Variants in BTRC observed in about 807,000 individuals in gnomAD.
BTRC encodes the protein beta-transducin repeat containing E3 ubiquitin protein ligase.
In BTRC, 42 loss-of-function variants were observed where a neutral mutation model predicts 85.5. The observed-to-expected ratio is 0.49, with a 90% CI of 0.38 to 0.64. The LOEUF is 0.64. BTRC is among the 30% of genes least tolerant of loss of function. The pLI, the probability that BTRC is intolerant of heterozygous loss-of-function variation, is 0.00. For missense variants in BTRC, 594 were observed against 743.5 expected (o/e 0.80, Z 2.34); for synonymous variants, 255 against 263.3 (o/e 0.97, Z 0.30).
At chr10:101,511,635 A>G (rs2061956046) in intron 4 of BTRC, among the ~76,000 whole-genome samples, 1 of 152,032 alleles carries the variant, frequency 6.6e-6, no homozygotes, top group African/African-American at 2.4e-5. Context: ...AGGTCACTGT[A>G]ACCTCTGCCT....
intron 1 of BTRC, among the ~76,000 whole-genome samples, chr10:101,360,199 C>T (rs1045814531): frequency 6.6e-6 from 1 of 151,942 alleles, no homozygotes; most frequent in African/African-American, 2.4e-5. Context: ...GGAATACAGG[C>T]ATGTGCCACC....
chr10:101,455,983 A>AAAACACACACAC (rs1554881059), intron 2 of BTRC, among the ~76,000 whole-genome samples: 1 of 96,044 alleles, frequency 1.0e-5, no homozygotes. Context: ...CTCTACTAAA[A>AAAACACACACAC]ACACACACAC....
At chr10:101,385,632 T>TTTTTTTTTTTG (rs1288309804) in intron 1 of BTRC, among the ~76,000 whole-genome samples, 1 of 143,948 alleles carries the variant, frequency 6.9e-6, no homozygotes, top group African/African-American at 2.6e-5. Flanking sequence ...TTTTTTTTTT[T>TTTTTTTTTTTG]TGTGTGTTCT....
Position 101,409,477 on chromosome 10 carries a change from G to A in BTRC, c.49-20868G>A, listed in dbSNP as rs193192857. On this transcript the variant is annotated intron_variant, in intron 1 of 14. Coordinates refer to ENST00000370187, the MANE Select transcript of BTRC (RefSeq NM_033637.4). ...GTCACTTGATGGGGATACATTCTGA[G>A]AAATGTGCCATTAGGTGAGTTCAAC... Among the ~76,000 whole-genome samples, 38 of 152,280 alleles carry A rather than the reference G, an allele frequency of 2.5e-4. No individual in the cohort carries two copies. The East Asian group carries it at 3.3e-3, about 13-fold the overall frequency.
chr10:101,498,971 C>G (rs1412667242), intron 4 of BTRC, among the ~76,000 whole-genome samples: 1 of 150,778 alleles, frequency 6.6e-6, no homozygotes, highest in Admixed American at 6.6e-5. Context: ...CCAGCCTGGG[C>G]AACAAGAGCG....
intron 4 of BTRC, among the ~76,000 whole-genome samples, chr10:101,501,846 T>C (rs1946407119): frequency 6.6e-6 from 1 of 152,186 alleles, no homozygotes; most frequent in African/African-American, 2.4e-5. Flanking sequence ...GTCTTCCTGA[T>C]TTTCATTTTC....
At chr10:101,356,897 G>A (rs374474560) in intron 1 of BTRC, among the ~76,000 whole-genome samples, 16 of 152,242 alleles carry the variant, frequency 1.1e-4, no homozygotes, top group African/African-American at 3.6e-4. Context: ...TTGGGAGGCC[G>A]AGGCAGGCGG....
intron 13 of BTRC, among the ~76,000 whole-genome samples, chr10:101,547,770 A>G (rs1256167729): frequency 1.3e-5 from 2 of 152,230 alleles, no homozygotes; most frequent in Non-Finnish European, 2.9e-5. Flanking sequence ...ATATTAGCAA[A>G]TTAAATCCAA....
At chr10:101,389,836 C>A (rs1202119925) in intron 1 of BTRC, among the ~76,000 whole-genome samples, 5 of 151,802 alleles carry the variant, frequency 3.3e-5, no homozygotes, top group Admixed American at 2.6e-4. Flanking sequence ...TGTTGCCCAG[C>A]CTGGTCTTGA....
At chr10:101,426,065 C>T (rs1191049659) in intron 1 of BTRC, among the ~76,000 whole-genome samples, 1 of 152,104 alleles carries the variant, frequency 6.6e-6, no homozygotes, top group Non-Finnish European at 1.5e-5. Context: ...AGGATAGTAA[C>T]CAAAATGACA....
chr10:101,512,680 A>G (rs187826073), intron 4 of BTRC, among the ~76,000 whole-genome samples: 101 of 152,332 alleles, frequency 6.6e-4, no homozygotes, highest in South Asian at 4.8e-3. Context: ...CTTCAGAGAA[A>G]TTCATGGTAA....
At chr10:101,378,797 T>TTACACGCA (rs66536561) in intron 1 of BTRC, among the ~76,000 whole-genome samples, 1 of 151,546 alleles carries the variant, frequency 6.6e-6, no homozygotes, top group Non-Finnish European at 1.5e-5. Flanking sequence ...AGTGCTAGAA[T>TTACACGCA]TGAACCACTG....
At chr10:101,519,687 C>T (rs1442865536) in intron 4 of BTRC, among the ~76,000 whole-genome samples, 1 of 152,178 alleles carries the variant, frequency 6.6e-6, no homozygotes, top group African/African-American at 2.4e-5. Context: ...GGTATGTGTA[C>T]ACCAGGGGCC....
chr10:101,424,208 T>G (rs1353081967), intron 1 of BTRC, among the ~76,000 whole-genome samples: 1 of 152,054 alleles, frequency 6.6e-6, no homozygotes, highest in Non-Finnish European at 1.5e-5. Flanking sequence ...CACTCCAACC[T>G]GGGCAACAAA....
chr10:101,515,105 A>G (rs913443036), intron 4 of BTRC, among the ~76,000 whole-genome samples: 1 of 151,702 alleles, frequency 6.6e-6, no homozygotes, highest in Non-Finnish European at 1.5e-5. Context: ...ACAGGCATGC[A>G]CCACCACACC....
intron 1 of BTRC, among the ~76,000 whole-genome samples, chr10:101,402,354 T>C (rs1943513331): frequency 6.6e-6 from 1 of 152,218 alleles, no homozygotes; most frequent in Non-Finnish European, 1.5e-5. Context: ...TGCATAGTTA[T>C]TAGAATTTTA....
intron 4 of BTRC, among the ~76,000 whole-genome samples, chr10:101,484,769 T>C (rs936168891): frequency 6.6e-6 from 1 of 152,220 alleles, no homozygotes; most frequent in Non-Finnish European, 1.5e-5. Flanking sequence ...GTGTTACACA[T>C]TGGGCTTATT....
At chr10:101,547,425 C>G (rs774550640) in intron 13 of BTRC, among the ~76,000 whole-genome samples, 6 of 145,346 alleles carry the variant, frequency 4.1e-5, no homozygotes, top group African/African-American at 7.6e-5. Context: ...ACTGCAACCT[C>G]CACCTCCTGG....
chr10:101,547,189 G>A (rs145949635), intron 13 of BTRC, among the ~76,000 whole-genome samples: 1 of 152,266 alleles, frequency 6.6e-6, no homozygotes, highest in African/African-American at 2.4e-5. Flanking sequence ...AATTTGAGGA[G>A]CATCTGTATT....
Sources: gnomAD v4.1 joint callset for allele counts (sites outside exome capture counted in the v4.1 genomes callset) on GRCh38, gnomAD v4.1.1 for gene constraint, MANE v1.5 for transcripts, NCBI Gene and HGNC (gene_info 2026-07-23, HGNC 2026-07-21) for gene names.